The following FAM3D variants were observed in gnomAD, a reference collection of about 807,000 sequenced individuals.
The protein encoded by FAM3D is protein FAM3D.
A neutral mutation model predicts 29.8 loss-of-function variants in FAM3D; 26 were observed. That is an observed-to-expected ratio of 0.87 (90% confidence interval 0.64 to 1.21). FAM3D has a LOEUF of 1.21. FAM3D is among the 50% of genes most tolerant of loss of function. FAM3D has a pLI of 0.00. For missense variants in FAM3D, 253 were observed against 290.9 expected (o/e 0.87, Z 0.95); for synonymous variants, 115 against 102.3 (o/e 1.12, Z -0.75).
chr3:58,644,862 T>C (rs2066431325), intron 5 of FAM3D, among the ~76,000 whole-genome samples: 1 of 152,216 alleles, frequency 6.6e-6, no homozygotes, highest in Admixed American at 6.5e-5. Flanking sequence ...AATCCCTGGA[T>C]CCAGGTGGTC....
chr3:58,636,820 TTAAA>T (rs1275049741), intron 8 of FAM3D, among the ~76,000 whole-genome samples: 1 of 152,178 alleles, frequency 6.6e-6, no homozygotes, highest in Non-Finnish European at 1.5e-5. Context: ...TTCCACGTCC[TTAAA>T]TACTTTCCGC....
chr3:58,655,249 T>A (rs1297807338), intron 2 of FAM3D, among the ~76,000 whole-genome samples: 2 of 152,218 alleles, frequency 1.3e-5, no homozygotes, highest in Non-Finnish European at 2.9e-5. Context: ...GTATAAAAAT[T>A]CTAGAATAGC....
In FAM3D at chr3:58,636,334, A is replaced by G. The variant is rs1477050599; in HGVS notation, c.545T>C (p.Ile182Thr). 3.1e-6 allele frequency: 5 copies of G among 1,614,078 alleles called. No individual in the cohort carries two copies. Among genetic ancestry groups the G allele is most frequent in the Admixed American group, 1.7e-5 (1 of 60,008 alleles). Residue 182 changes from isoleucine (I) to threonine (T), a missense_variant, in exon 9 of 10, where the codon ATA becomes ACA. Transcript: ENST00000358781. ...QLGFRDSWVFIGAKDLRGKSP... is the reference protein window; with the variant it reads ...QLGFRDSWVFTGAKDLRGKSP... ...TTTACCCCTGAGGTCTTTGGCTCCTATGAAGACCCAGCTGTCCCGGAAGCC... is the reference window on the plus strand; with the variant it reads ...TTTACCCCTGAGGTCTTTGGCTCCTGTGAAGACCCAGCTGTCCCGGAAGCC...
At chr3:58,647,804 A>G (rs764674802) in intron 4 of FAM3D, among the ~76,000 whole-genome samples, 1 of 152,218 alleles carries the variant, frequency 6.6e-6, no homozygotes, top group Non-Finnish European at 1.5e-5. Flanking sequence ...TGCTCAGAGC[A>G]TGGAACTGGT....
chr3:58,658,415 C>A (rs1307625631), intron 1 of FAM3D, among the ~76,000 whole-genome samples: 2 of 152,206 alleles, frequency 1.3e-5, no homozygotes, highest in South Asian at 4.1e-4. Context: ...ATTCCCTGAG[C>A]ATCCCTGGGA....
intron 1 of FAM3D, among the ~76,000 whole-genome samples, chr3:58,662,388 C>T (rs537339907): frequency 4.6e-5 from 7 of 152,358 alleles, no homozygotes; most frequent in South Asian, 2.1e-4. Context: ...TAGGAAGGCA[C>T]GGGATCAGGA....
At chr3:58,637,341 G>A in intron 7 of FAM3D, 116 bp from the exon 8 acceptor site, 1 of 903,910 alleles carries the variant, frequency 1.1e-6, no homozygotes, top group South Asian at 1.6e-5. Flanking sequence ...ACACTGGGCT[G>A]AGCTCAGAAG....
rs150579620 is a variant in FAM3D, at chr3:58,656,018, A to G, written c.-38-417T>C. Among the ~76,000 whole-genome samples the G allele has an allele frequency of 7.2e-5, 11 of 151,966 alleles. No individual in the cohort carries two copies. In the East Asian group the frequency reaches 2.0e-3, roughly 27 times the overall value. On this transcript the variant is annotated intron_variant, in intron 1 of 9. Coordinates refer to ENST00000358781, the MANE Select transcript of FAM3D (RefSeq NM_138805.3). Reference sequence around the variant, plus strand: ...CCTCTATCTGTTCACTTTTCCATCCATCTGTCTATCCTCTATCTACCTGTC... The same window carrying G: ...CCTCTATCTGTTCACTTTTCCATCCGTCTGTCTATCCTCTATCTACCTGTC...
intron 2 of FAM3D, 75 bp from the exon 3 acceptor site, chr3:58,653,856 C>A: frequency 9.1e-7 from 1 of 1,102,380 alleles, no homozygotes; most frequent in South Asian, 1.2e-5. Context: ...GAGTTCTTCC[C>A]AAATCCCACA....
intron 1 of FAM3D, among the ~76,000 whole-genome samples, chr3:58,661,848 C>T (rs77510899): frequency 0.025 from 3,774 of 152,322 alleles, 59 homozygotes; most frequent in Admixed American, 0.034. Context: ...AGATGCTCCT[C>T]GCACCCTCCA....
Position 58,634,385 on chromosome 3 carries a change from C to A in FAM3D, c.586-17G>T. The A allele has an allele frequency of 6.2e-7, 1 of 1,610,954 alleles. No individual in the cohort carries two copies. Among genetic ancestry groups the A allele is most frequent in the South Asian group, 1.1e-5 (1 of 90,954 alleles). ...CTTTAAGAACTAGAGAGAGAGAAGA[C>A]AGAGAAATATAGGCAGTGAGTGAGG... is the stretch of plus-strand genomic sequence containing the variant. On this transcript the variant is annotated splice_polypyrimidine_tract_variant and intron_variant, in intron 9 of 9. Transcript: ENST00000358781. The surrounding 1 kb of genome is among the most constrained non-coding windows in gnomAD (Gnocchi z 4.6).
At chr3:58,637,325 C>A in intron 7 of FAM3D, 100 bp from the exon 8 acceptor site, 1 of 1,090,896 alleles carries the variant, frequency 9.2e-7, no homozygotes, top group Non-Finnish European at 1.3e-6. Flanking sequence ...CAGCTAGGCC[C>A]GGTGGACACT....
In FAM3D at chr3:58,642,210, CT is replaced by C. The variant is rs1327298753; in HGVS notation, c.322+1451del. Among the ~76,000 whole-genome samples, 4 of 152,196 alleles carry C rather than the reference CT, an allele frequency of 2.6e-5. No individual in the cohort carries two copies. In the South Asian group the frequency reaches 8.3e-4, roughly 32 times the overall value. ...ACTCCCTGCCCTGGCCCTTCCTGGGCTCCTAGGAAGTTGGCCAGGGCTGTCC... is the reference window on the plus strand; with the variant it reads ...ACTCCCTGCCCTGGCCCTTCCTGGGCCCTAGGAAGTTGGCCAGGGCTGTCC... On this transcript the variant is annotated intron_variant, in intron 6 of 9. Transcript: ENST00000358781.
chr3:58,634,572 A>T lies in FAM3D; in HGVS notation c.586-204T>A. Reference sequence around the variant, plus strand: ...GATCAGAGCCCAGTTAACTGCTCTCACGCCCTGAAGGGTAACCAGTTGTTG... The same window carrying T: ...GATCAGAGCCCAGTTAACTGCTCTCTCGCCCTGAAGGGTAACCAGTTGTTG... On this transcript the variant is annotated intron_variant, in intron 9 of 9. Transcript: ENST00000358781. This position sits in a 1 kb window ranked among gnomAD's most constrained non-coding sequence, Gnocchi z 4.6. 1.9e-6 allele frequency: 1 copy of T among 526,028 alleles called. No homozygotes were observed. The allele number at this position is 526,028 out of a possible 1,614,324, so 32.6% of individuals were successfully genotyped here. A position where few individuals can be genotyped will look rare whatever the true frequency, so the allele number is the denominator to read the frequency against.
chr3:58,641,797 C>T (rs1344738925), intron 6 of FAM3D, among the ~76,000 whole-genome samples: 2 of 152,138 alleles, frequency 1.3e-5, no homozygotes, highest in Admixed American at 1.3e-4. Flanking sequence ...GTTCTTATTG[C>T]CATTGATGGT....
In FAM3D at chr3:58,636,541, GT is replaced by G. The variant is rs1253342873; in HGVS notation, c.459-122del. ...CCCATTCAGCATCTGCCCTGGGGGT[GT>G]CCAGAGAACGTGGCTGCACTCAGGA... On this transcript the variant is annotated intron_variant, in intron 8 of 9. Coordinates refer to ENST00000358781, the MANE Select transcript of FAM3D (RefSeq NM_138805.3). The G allele has an allele frequency of 2.1e-6, 3 of 1,409,142 alleles. No individual in the cohort carries two copies. In the East Asian group the frequency reaches 7.1e-5, roughly 33 times the overall value. The allele number at this position is 1,409,142 out of a possible 1,614,324, so 87.3% of individuals were successfully genotyped here.
intron 9 of FAM3D, 112 bp downstream of exon 9, chr3:58,636,182 A>C: frequency 6.8e-7 from 1 of 1,480,474 alleles, no homozygotes; most frequent in South Asian, 1.4e-5. Context: ...GCCTCTCCCC[A>C]GACAATCCTC....
chr3:58,643,072 C>T (rs2066378593), intron 6 of FAM3D, among the ~76,000 whole-genome samples: 1 of 152,248 alleles, frequency 6.6e-6, no homozygotes, highest in Non-Finnish European at 1.5e-5. Flanking sequence ...CCCTGAACCA[C>T]CCGGGGTCTG....
chr3:58,637,019 A>G, intron 8 of FAM3D, 122 bp downstream of exon 8: 1 of 786,474 alleles, frequency 1.3e-6, no homozygotes, highest in Non-Finnish European at 2.1e-6. Flanking sequence ...CTTGTCTGAT[A>G]ATTTCCTCGA....
Sources: allele counts gnomAD v4.1 joint callset (sites outside exome capture counted in the v4.1 genomes callset), GRCh38; gene constraint gnomAD v4.1.1; non-coding constraint Gnocchi (gnomAD v3.1); transcripts MANE v1.5; gene names NCBI Gene and HGNC (gene_info 2026-07-23, HGNC 2026-07-21).